MOXD1: variants seen among roughly 807,000 people sequenced by gnomAD.
The protein encoded by MOXD1 is DBH-like monooxygenase protein 1.
In MOXD1, 62 loss-of-function variants were observed where a neutral mutation model predicts 66.6. The observed-to-expected ratio is 0.93, with a 90% CI of 0.76 to 1.15. The LOEUF (loss-of-function observed/expected upper bound fraction) is 1.15. Among genes scored for constraint, MOXD1 ranks in the 50% most tolerant of loss-of-function variants. MOXD1 has a pLI of 0.00. For synonymous variants in MOXD1, 303 were observed against 281.9 expected, an observed-to-expected ratio of 1.07 and a Z score of -0.75; for missense variants, 847 against 754.6, an observed-to-expected ratio of 1.12 and a Z score of -1.44.
chr6:132,333,960 T>C (rs1775384827), intron 4 of MOXD1, among the ~76,000 whole-genome samples: 1 of 152,212 alleles, frequency 6.6e-6, no homozygotes, highest in Non-Finnish European at 1.5e-5. Flanking sequence ...ACACTTGAGA[T>C]ATCTTAGCAA....
chr6:132,296,619 G>A lies in MOXD1; in HGVS notation c.*534C>T, dbSNP rs1425846859. ...GTGGGCATCAACAAAAAGCATTGAG[G>A]TAAGGGGCCCAGTGGTAATTCACAG... On this transcript the variant is annotated 3_prime_UTR_variant, in exon 12 of 12. Coordinates refer to ENST00000367963, the MANE Select transcript of MOXD1 (RefSeq NM_015529.4). 1.3e-5 allele frequency: 2 copies of A among 152,288 alleles called. No homozygotes were observed. The highest frequency in any genetic ancestry group is 1.3e-4 in the Admixed American group (2 of 15,274). The allele number at this position is 152,288 out of a possible 1,614,324, so 9.4% of individuals were successfully genotyped here.
chr6:132,328,056 A>C lies in MOXD1; in HGVS notation c.903T>G (p.Tyr301Ter). The C allele has an allele frequency of 6.2e-7, 1 of 1,614,026 alleles. No homozygotes were observed. The highest frequency in any genetic ancestry group is 8.5e-7 in the Non-Finnish European group (1 of 1,179,896). ...LSLGTPLDPH[Y>*]VLLEVHYDNP... Reference sequence around the variant, plus strand: ...TATCATAATGGACTTCTAGGAGCACATAATGCGGATCTAATGGAGTGCCAA... The same window carrying C: ...TATCATAATGGACTTCTAGGAGCACCTAATGCGGATCTAATGGAGTGCCAA... The change falls in exon 6 of 12, where the codon TAT becomes TAG. Residue 301 changes from tyrosine to a stop codon, truncating the protein, a stop_gained. Coordinates refer to ENST00000367963, the MANE Select transcript of MOXD1 (RefSeq NM_015529.4). LOFTEE classifies it high-confidence loss of function.
At chr6:132,347,658 CAG>C (rs1268543886) in intron 4 of MOXD1, among the ~76,000 whole-genome samples, 1 of 144,644 alleles carries the variant, frequency 6.9e-6, no homozygotes, top group Non-Finnish European at 1.5e-5. Context: ...GCCTGTGCGA[CAG>C]AGTGTGATCC....
chr6:132,358,697 C>A (rs557034844), intron 4 of MOXD1, among the ~76,000 whole-genome samples: 1 of 152,204 alleles, frequency 6.6e-6, no homozygotes, highest in South Asian at 2.1e-4. Flanking sequence ...ACCAATTTTA[C>A]ATTGAAGGTA....
At chr6:132,319,478 G>C (rs920171016) in intron 9 of MOXD1, among the ~76,000 whole-genome samples, 1 of 151,864 alleles carries the variant, frequency 6.6e-6, no homozygotes, top group Admixed American at 6.6e-5. Context: ...TCTAGTGTTA[G>C]ATTTTATTTC....
chr6:132,381,928 C>G (rs1776520213), intron 1 of MOXD1, among the ~76,000 whole-genome samples: 1 of 152,104 alleles, frequency 6.6e-6, no homozygotes, highest in African/African-American at 2.4e-5. Flanking sequence ...CATCCTCACC[C>G]ACTCCTCATT....
At chr6:132,355,569 C>A (rs1176067512) in intron 4 of MOXD1, among the ~76,000 whole-genome samples, 1 of 152,162 alleles carries the variant, frequency 6.6e-6, no homozygotes, top group African/African-American at 2.4e-5. Flanking sequence ...TTTGAACAAG[C>A]CCAGTCTAGA....
chr6:132,380,956 A>G (rs1182027096), intron 1 of MOXD1, among the ~76,000 whole-genome samples: 1 of 152,212 alleles, frequency 6.6e-6, no homozygotes, highest in African/African-American at 2.4e-5. Flanking sequence ...TATTCAGAAA[A>G]AAAAGGGTTT....
intron 1 of MOXD1, among the ~76,000 whole-genome samples, chr6:132,379,182 G>A (rs542697683): frequency 2.0e-5 from 3 of 151,726 alleles, no homozygotes; most frequent in Non-Finnish European, 4.4e-5. Context: ...GAATAATATA[G>A]CATGATCATG....
rs1562276467 is a variant in MOXD1, at chr6:132,303,861, AT to A, written c.1509-5907del. Among the ~76,000 whole-genome samples the A allele has an allele frequency of 3.8e-4, 29 of 75,480 alleles. 1 individual carries two copies. In the African/African-American group the frequency reaches 3.9e-3, roughly 10 times the overall value. The allele number at this position is 75,480 out of a possible 152,430, so 49.5% of individuals were successfully genotyped here. ...TATATATATATATATATATATATAT[AT>A]ATATATATATATATATACATATATA... On this transcript the variant is annotated intron_variant, in intron 10 of 11. Coordinates refer to ENST00000367963, the MANE Select transcript of MOXD1 (RefSeq NM_015529.4).
intron 4 of MOXD1, among the ~76,000 whole-genome samples, chr6:132,366,007 G>A (rs1197265040): frequency 6.6e-6 from 1 of 152,046 alleles, no homozygotes; most frequent in East Asian, 1.9e-4. Context: ...ATTATTAAAG[G>A]AAAAGATTCT....
At chr6:132,389,242 C>T (rs1025127979) in intron 1 of MOXD1, among the ~76,000 whole-genome samples, 1 of 151,364 alleles carries the variant, frequency 6.6e-6, no homozygotes, top group African/African-American at 2.4e-5. Context: ...ACTCATTAAG[C>T]TTATCCCAGA....
intron 4 of MOXD1, 140 bp from the exon 5 acceptor site, chr6:132,328,734 C>A: frequency 4.9e-6 from 4 of 810,362 alleles, no homozygotes; most frequent in Non-Finnish European, 5.7e-6. Flanking sequence ...TTGTGTAGTT[C>A]AAGTCTAATT....
At position 132,401,283 on chromosome 6, in the gene MOXD1, G is replaced by A; in HGVS notation, c.144C>T (p.Ile48=). 1.3e-6 allele frequency: 2 copies of A among 1,598,340 alleles called. No individual in the cohort carries two copies. ...WLGWSQRGSQ[I]AFRLQVRTAG... is the part of the protein sequence containing the mutation. ...CAGTGCGCACCTGGAGGCGGAAGGCGATCTGGCTGCCCCGCTGGCTCCAGC... is the reference window on the plus strand; with the variant it reads ...CAGTGCGCACCTGGAGGCGGAAGGCAATCTGGCTGCCCCGCTGGCTCCAGC... Residue 48 remains isoleucine (I), a synonymous_variant, in exon 1 of 12, where the codon ATC becomes ATT. Coordinates refer to ENST00000367963, the MANE Select transcript of MOXD1 (RefSeq NM_015529.4).
chr6:132,339,118 G>A (rs980689754), intron 4 of MOXD1, among the ~76,000 whole-genome samples: 2 of 152,064 alleles, frequency 1.3e-5, no homozygotes, highest in African/African-American at 4.8e-5. Flanking sequence ...ATATATTTGT[G>A]AGTGCCATCT....
At position 132,332,751 on chromosome 6, in the gene MOXD1, A is replaced by C. The variant is rs374733805; in HGVS notation, c.664-4157T>G. Among the ~76,000 whole-genome samples the C allele has an allele frequency of 2.0e-5, 3 of 152,314 alleles. No individual in the cohort carries two copies. The South Asian group carries it at 6.2e-4, about 32-fold the overall frequency. ...GGCACTGCTACCAATCCCCTGATGG[A>C]GGCTGCTCGTTATTTTCTGCTCCCA... On this transcript the variant is annotated intron_variant, in intron 4 of 11. Coordinates refer to ENST00000367963, the MANE Select transcript of MOXD1 (RefSeq NM_015529.4).
Position 132,298,352 on chromosome 6 carries a change from G to T in MOXD1, c.1509-397C>A, listed in dbSNP as rs373399297. ...TAAACAAATAATTTTGTCTCAGAAA[G>T]CTTCTACAGAGTCTCACAATTCTAC... is the stretch of plus-strand genomic sequence containing the variant. On this transcript the variant is annotated intron_variant, in intron 10 of 11. Transcript: ENST00000367963. Among the ~76,000 whole-genome samples, 37 of 152,182 alleles carry T rather than the reference G, an allele frequency of 2.4e-4. No homozygotes were observed. The East Asian group carries it at 4.1e-3, about 17-fold the overall frequency.
intron 10 of MOXD1, among the ~76,000 whole-genome samples, chr6:132,300,382 G>T (rs1774505561): frequency 6.6e-6 from 1 of 152,192 alleles, no homozygotes; most frequent in African/African-American, 2.4e-5. Context: ...TACAGCTATT[G>T]ATCATTTTAA....
intron 10 of MOXD1, among the ~76,000 whole-genome samples, chr6:132,306,537 A>T (rs1004717700): frequency 2.6e-5 from 4 of 152,146 alleles, no homozygotes; most frequent in Admixed American, 2.6e-4. Context: ...CCACGAGAAG[A>T]TCAACCCCAA....
Sources: gnomAD v4.1 joint callset for allele counts (sites outside exome capture counted in the v4.1 genomes callset) on GRCh38, gnomAD v4.1.1 for gene constraint, MANE v1.5 for transcripts, NCBI Gene and HGNC (gene_info 2026-07-23, HGNC 2026-07-21) for gene names.